The following SELENOT variants were observed in gnomAD, a reference collection of about 807,000 sequenced individuals.
The protein encoded by SELENOT is selenoprotein T.
In SELENOT, 9 loss-of-function variants were observed where a neutral mutation model predicts 24.3. That is an observed-to-expected ratio of 0.37 (90% CI 0.22 to 0.65). The LOEUF (loss-of-function observed/expected upper bound fraction) is 0.65. SELENOT is among the 30% of genes least tolerant of loss of function. The pLI, the probability that SELENOT is intolerant of heterozygous loss-of-function variation, is 0.60. For missense variants in SELENOT, 166 were observed against 247.6 expected (o/e 0.67, Z 2.21); for synonymous variants, 81 against 86.0 (o/e 0.94, Z 0.32).
chr3:150,622,180 G>A (rs1484721272), intron 1 of SELENOT, among the ~76,000 whole-genome samples: 1 of 151,766 alleles, frequency 6.6e-6, no homozygotes, highest in Non-Finnish European at 1.5e-5. Flanking sequence ...ATGTCTTAAT[G>A]GAAGGATTTG....
chr3:150,611,441 A>G, intron 1 of SELENOT: 1 of 1,257,820 alleles, frequency 8.0e-7, no homozygotes, highest in Non-Finnish European at 1.2e-6. Context: ...TGTCTTTTGT[A>G]TCTCCTAAGT....
At position 150,627,137 on chromosome 3, in the gene SELENOT, C is replaced by T. The variant is rs189994798; in HGVS notation, c.*3C>T. 3,712 of 1,611,292 alleles carry T rather than the reference C, an allele frequency of 2.3e-3. 12 individuals are homozygous for T. Among genetic ancestry groups the T allele is most frequent in the Non-Finnish European group, 2.6e-3 (3,067 of 1,178,506 alleles). On this transcript the variant is annotated 3_prime_UTR_variant, in exon 5 of 6. Coordinates refer to ENST00000471696, the MANE Select transcript of SELENOT (RefSeq NM_016275.5). Reference sequence around the variant, plus strand: ...CAATCCCACACCATCGATCATAGCACCACCTATCAGCACTGAAAACTCTTT... The same window carrying T: ...CAATCCCACACCATCGATCATAGCATCACCTATCAGCACTGAAAACTCTTT...
chr3:150,611,949 A>C, intron 1 of SELENOT: 1 of 732,948 alleles, frequency 1.4e-6, no homozygotes, highest in Non-Finnish European at 2.2e-6. Flanking sequence ...GCGGCAGTTC[A>C]CTCTGCACAC....
At chr3:150,622,706 A>G (rs924785428) in intron 2 of SELENOT, among the ~76,000 whole-genome samples, 3 of 152,010 alleles carry the variant, frequency 2.0e-5, no homozygotes, top group Non-Finnish European at 2.9e-5. Flanking sequence ...AGAGATGGCA[A>G]CCCTTCTAAA....
intron 1 of SELENOT, among the ~76,000 whole-genome samples, chr3:150,615,120 G>GT (rs1387083657): frequency 6.9e-6 from 1 of 145,414 alleles, no homozygotes; most frequent in African/African-American, 2.5e-5. Context: ...GCGGTGTTTG[G>GT]TTTTTTGTTC....
chr3:150,609,121 G>A (rs766105065), intron 1 of SELENOT, among the ~76,000 whole-genome samples: 1 of 152,104 alleles, frequency 6.6e-6, no homozygotes, highest in Admixed American at 6.5e-5. Flanking sequence ...TATGATATTG[G>A]TTATGGGTTT....
chr3:150,613,507 CATCTT>C (rs1389688966), intron 1 of SELENOT, among the ~76,000 whole-genome samples: 1 of 151,986 alleles, frequency 6.6e-6, no homozygotes, highest in African/African-American at 2.4e-5. Context: ...GTAGTACAAA[CATCTT>C]AATACATTTT....
At chr3:150,621,244 A>G (rs1004656484) in intron 1 of SELENOT, among the ~76,000 whole-genome samples, 10 of 152,090 alleles carry the variant, frequency 6.6e-5, no homozygotes, top group African/African-American at 2.4e-4. Flanking sequence ...AAGACTGGTG[A>G]ATTTCTCACT....
At chr3:150,609,813 G>A (rs1726047334) in intron 1 of SELENOT, among the ~76,000 whole-genome samples, 1 of 152,160 alleles carries the variant, frequency 6.6e-6, no homozygotes, top group African/African-American at 2.4e-5. Context: ...CTGAAGCAGA[G>A]TTTAGGTAAT....
intron 1 of SELENOT, among the ~76,000 whole-genome samples, chr3:150,612,735 C>T (rs1351921570): frequency 6.6e-6 from 1 of 152,142 alleles, no homozygotes; most frequent in Non-Finnish European, 1.5e-5. Context: ...TGCTGGTAAG[C>T]CTATTTTATC....
chr3:150,603,561 G>A, intron 1 of SELENOT, 62 bp downstream of exon 1: 4 of 1,490,286 alleles, frequency 2.7e-6, no homozygotes, highest in Non-Finnish European at 3.6e-6. Flanking sequence ...CATTGGCTAC[G>A]CGAGGCCCCG....
intron 5 of SELENOT, among the ~76,000 whole-genome samples, chr3:150,627,378 T>A (rs1726467813): frequency 2.6e-5 from 4 of 152,224 alleles, no homozygotes; most frequent in Admixed American, 2.6e-4. Flanking sequence ...GGCTTAATGA[T>A]TGGGTCTGTA....
chr3:150,624,013 C>G (rs1479669307), intron 3 of SELENOT, among the ~76,000 whole-genome samples: 1 of 152,000 alleles, frequency 6.6e-6, no homozygotes, highest in African/African-American at 2.4e-5. Context: ...CCATTTCTTT[C>G]CAGTAACAGG....
chr3:150,627,489 G>A (rs1302786089), intron 5 of SELENOT, among the ~76,000 whole-genome samples, 170 bp from the exon 6 acceptor site: 1 of 151,994 alleles, frequency 6.6e-6, no homozygotes, highest in Non-Finnish European at 1.5e-5. Context: ...TTAGTTCCTG[G>A]GAGTATGCAA....
chr3:150,615,761 A>C (rs1329477340), intron 1 of SELENOT, among the ~76,000 whole-genome samples: 5 of 152,188 alleles, frequency 3.3e-5, no homozygotes, highest in Non-Finnish European at 7.3e-5. Flanking sequence ...TATCGTGAAA[A>C]TGGCCATACT....
intron 1 of SELENOT, among the ~76,000 whole-genome samples, chr3:150,615,113 G>A (rs1321228218): frequency 6.9e-6 from 1 of 145,268 alleles, no homozygotes; most frequent in African/African-American, 2.5e-5. Flanking sequence ...AGAATATGCG[G>A]TGTTTGGTTT....
intron 1 of SELENOT, chr3:150,614,454 A>G (rs1287384793): frequency 6.5e-6 from 1 of 153,900 alleles, no homozygotes; most frequent in Non-Finnish European, 1.5e-5. Flanking sequence ...GCAATAGTGT[A>G]GAATTTAGAG....
At chr3:150,607,210 GA>G (rs1725986324) in intron 1 of SELENOT, among the ~76,000 whole-genome samples, 1 of 152,166 alleles carries the variant, frequency 6.6e-6, no homozygotes, top group African/African-American at 2.4e-5. Flanking sequence ...GTAATTTTAG[GA>G]CAGCCAACTT....
At chr3:150,611,697 T>TC (rs1726096281) in intron 1 of SELENOT, 1 of 1,600,770 alleles carries the variant, frequency 6.2e-7, no homozygotes, top group South Asian at 1.1e-5. Flanking sequence ...ACCGCACCGC[T>TC]CACCATCCTC....
Sources: gnomAD v4.1 joint callset for allele counts (sites outside exome capture counted in the v4.1 genomes callset) on GRCh38, gnomAD v4.1.1 for gene constraint, MANE v1.5 for transcripts, NCBI Gene and HGNC (gene_info 2026-07-23, HGNC 2026-07-21) for gene names.